NAALADL2: variants seen among roughly 807,000 people sequenced by gnomAD.
The protein encoded by NAALADL2 is N-acetylated alpha-linked acidic dipeptidase like 2.
In NAALADL2, 76 loss-of-function variants were observed where a neutral mutation model predicts 87.2. The ratio of observed to expected loss-of-function variants is 0.87; its 90% CI spans 0.72 to 1.05. The LOEUF (loss-of-function observed/expected upper bound fraction) is 1.05. NAALADL2 is among the 50% of genes least tolerant of loss of function. The pLI, the probability that NAALADL2 is intolerant of heterozygous loss-of-function variation, is 0.00. For missense variants in NAALADL2, 1,089 were observed against 945.8 expected (o/e 1.15, Z -1.99); for synonymous variants, 354 against 331.0 (o/e 1.07, Z -0.75).
At chr3:174,629,821 G>A (rs1252331838) in intron 2 of NAALADL2, among the ~76,000 whole-genome samples, 2 of 152,152 alleles carry the variant, frequency 1.3e-5, no homozygotes, top group African/African-American at 4.8e-5. Flanking sequence ...TGCACACAAA[G>A]CCAATATTCA....
intron 10 of NAALADL2, among the ~76,000 whole-genome samples, chr3:175,591,679 G>A (rs570587469): frequency 1.6e-3 from 243 of 151,480 alleles, no homozygotes; most frequent in African/African-American, 5.7e-3. Flanking sequence ...GACACTAAGG[G>A]TATCTGAGCC....
intron 1 of NAALADL2, among the ~76,000 whole-genome samples, chr3:174,511,591 A>G (rs1200524296): frequency 1.3e-5 from 2 of 151,420 alleles, no homozygotes; most frequent in Non-Finnish European, 2.9e-5. Flanking sequence ...AGTTTTTTTT[A>G]ATTCAATTTG....
At chr3:175,656,171 C>A (rs187444312) in intron 11 of NAALADL2, among the ~76,000 whole-genome samples, 1 of 152,088 alleles carries the variant, frequency 6.6e-6, no homozygotes, top group Non-Finnish European at 1.5e-5. Context: ...TATTGGATAA[C>A]GAAATTTGTT....
chr3:175,669,123 A>G (rs1232959756), intron 11 of NAALADL2, among the ~76,000 whole-genome samples: 2 of 152,112 alleles, frequency 1.3e-5, no homozygotes. Flanking sequence ...ATATTCCCAT[A>G]ATACTATTCT....
chr3:174,883,458 A>G (rs7355934), intron 1 of NAALADL2, among the ~76,000 whole-genome samples: 31,662 of 152,010 alleles, frequency 0.21, 3,316 homozygotes, highest in East Asian at 0.3. Context: ...ACAAGCGGAA[A>G]TGCACTGATC....
At chr3:174,678,786 C>T (rs887041413) in intron 2 of NAALADL2, among the ~76,000 whole-genome samples, 2 of 152,046 alleles carry the variant, frequency 1.3e-5, no homozygotes, top group African/African-American at 2.4e-5. Context: ...TACCGACTCT[C>T]TATATATTTA....
At chr3:175,525,099 G>C (rs1048498914) in intron 9 of NAALADL2, among the ~76,000 whole-genome samples, 4 of 151,998 alleles carry the variant, frequency 2.6e-5, no homozygotes, top group Non-Finnish European at 5.9e-5. Flanking sequence ...TGTATTGTTA[G>C]ATATAGACAT....
intron 1 of NAALADL2, among the ~76,000 whole-genome samples, chr3:174,545,921 T>C (rs1722691181): frequency 6.6e-6 from 1 of 150,996 alleles, no homozygotes; most frequent in Admixed American, 6.6e-5. Context: ...TAATTATATA[T>C]TTTATATATT....
intron 1 of NAALADL2, among the ~76,000 whole-genome samples, chr3:174,946,358 G>T (rs1328945494): frequency 6.6e-6 from 1 of 152,052 alleles, no homozygotes; most frequent in Non-Finnish European, 1.5e-5. Flanking sequence ...GGTAAAGATG[G>T]CAGATTTTGG....
intron 5 of NAALADL2, among the ~76,000 whole-genome samples, chr3:175,359,894 C>T (rs1187746032): frequency 6.6e-6 from 1 of 152,094 alleles, no homozygotes; most frequent in Non-Finnish European, 1.5e-5. Context: ...TGTTGCCCCA[C>T]CTTTTCTGAA....
At chr3:174,848,532 A>G (rs988424310) in intron 3 of NAALADL2, among the ~76,000 whole-genome samples, 16 of 152,302 alleles carry the variant, frequency 1.1e-4, no homozygotes, top group African/African-American at 3.6e-4. Context: ...TGTGCTCAGT[A>G]ATTTTTACAG....
rs534158240 is a variant in NAALADL2 at position 174,502,890 on chromosome 3, G to A, written c.-183-47679G>A. On this transcript the variant is annotated intron_variant, in intron 1 of 3. Transcript: ENST00000434257. ...CTAAAAATATAAAAATTATCCAGGC[G>A]TGGTGGTGCGCGCCTGTAGTCTCAG... Among the ~76,000 whole-genome samples, 52 of 152,040 alleles carry A rather than the reference G, an allele frequency of 3.4e-4. 1 individual carries two copies. Among genetic ancestry groups the A allele is most frequent in the African/African-American group, 1.1e-3 (45 of 41,464 alleles).
intron 1 of NAALADL2, among the ~76,000 whole-genome samples, chr3:174,905,075 T>C (rs1408023754): frequency 1.3e-5 from 2 of 151,854 alleles, no homozygotes; most frequent in African/African-American, 4.8e-5. Flanking sequence ...AGTCCACTGG[T>C]AAAATTTTTA....
chr3:174,514,482 G>T (rs1164839834), intron 1 of NAALADL2, among the ~76,000 whole-genome samples: 2 of 152,078 alleles, frequency 1.3e-5, no homozygotes, highest in Non-Finnish European at 2.9e-5. Flanking sequence ...TTATATCCAT[G>T]AATCTAATCA....
chr3:175,511,549 C>T (rs547100421), intron 9 of NAALADL2, among the ~76,000 whole-genome samples: 14 of 152,274 alleles, frequency 9.2e-5, no homozygotes, highest in Non-Finnish European at 1.3e-4. Context: ...TGATCTTGGA[C>T]GACTAGTCTC....
At chr3:174,985,709 T>G (rs933325352) in intron 1 of NAALADL2, among the ~76,000 whole-genome samples, 1 of 152,054 alleles carries the variant, frequency 6.6e-6, no homozygotes, top group South Asian at 2.1e-4. Context: ...TCCCAACACT[T>G]TGGGAGTCTG....
intron 11 of NAALADL2, among the ~76,000 whole-genome samples, chr3:175,716,251 A>ATGT (rs1263024388): frequency 1.4e-5 from 2 of 143,838 alleles, no homozygotes; most frequent in African/African-American, 5.3e-5. Flanking sequence ...ATACATATAT[A>ATGT]ATATATGTAT....
At chr3:174,829,232 A>G (rs1273169639) in intron 3 of NAALADL2, among the ~76,000 whole-genome samples, 1 of 151,582 alleles carries the variant, frequency 6.6e-6, no homozygotes, top group African/African-American at 2.4e-5. Flanking sequence ...GTCATCTAGC[A>G]TTAGGTATAT....
At chr3:175,746,782 T>C (rs191917473) in intron 12 of NAALADL2, among the ~76,000 whole-genome samples, 41 of 152,316 alleles carry the variant, frequency 2.7e-4, no homozygotes, top group Non-Finnish European at 4.0e-4. Context: ...TGGCCATCCA[T>C]TGGGGGCAAA....
Sources: gnomAD v4.1 joint callset for allele counts (sites outside exome capture counted in the v4.1 genomes callset) on GRCh38, gnomAD v4.1.1 for gene constraint, MANE v1.5 for transcripts, NCBI Gene and HGNC (gene_info 2026-07-23, HGNC 2026-07-21) for gene names.